CLDN16: variants seen among roughly 807,000 people sequenced by gnomAD.
CLDN16 encodes claudin-16.
In CLDN16, 13 loss-of-function variants were observed where a neutral mutation model predicts 24.6. The observed-to-expected ratio is 0.53, with a 90% CI of 0.34 to 0.84. The LOEUF (loss-of-function observed/expected upper bound fraction) is 0.84, where lower values mean the gene tolerates loss of function less well. CLDN16 is among the 40% of genes least tolerant of loss of function. The probability of loss-of-function intolerance (pLI) is 0.01; values close to 1 mark genes in which losing one functional copy is unlikely to be tolerated. For missense variants in CLDN16, 298 were observed against 292.7 expected (o/e 1.02, Z -0.13); for synonymous variants, 116 against 106.7 (o/e 1.09, Z -0.54).
intron 1 of CLDN16, among the ~76,000 whole-genome samples, chr3:190,354,613 A>T (rs1717730489): frequency 6.6e-6 from 1 of 152,076 alleles, no homozygotes; most frequent in Admixed American, 6.6e-5. Flanking sequence ...ACTTTTTAAA[A>T]GTGGTGCAAA....
the CLDN16 span, among the ~76,000 whole-genome samples, chr3:190,302,832 T>C: frequency 0.57 from 85,277 of 148,820 alleles, 25,130 homozygotes; most frequent in African/African-American, 0.7. Flanking sequence ...TTAGAAAGTA[T>C]GTCTGGTAAG....
chr3:190,383,461 T>C (rs1006404861), upstream of CLDN16, among the ~76,000 whole-genome samples: 8 of 152,150 alleles, frequency 5.3e-5, no homozygotes, highest in African/African-American at 1.9e-4. Context: ...GCCTACATGA[T>C]GGAAGATGAC....
chr3:190,291,847 C>A, the CLDN16 span, among the ~76,000 whole-genome samples: 115 of 152,278 alleles, frequency 7.6e-4, no homozygotes, highest in African/African-American at 2.5e-3. Context: ...AGTCCAAAAT[C>A]CAATAGGGCA....
At chr3:190,311,934 A>G in the CLDN16 span, among the ~76,000 whole-genome samples, 1 of 148,026 alleles carries the variant, frequency 6.8e-6, no homozygotes, top group Non-Finnish European at 1.5e-5. Flanking sequence ...GAATTAAAAA[A>G]CAGATATTTC....
chr3:190,308,321 G>C, the CLDN16 span: 1 of 1,613,674 alleles, frequency 6.2e-7, no homozygotes, highest in African/African-American at 1.3e-5. Context: ...TTTGGATAGG[G>C]CCTTGGTGTT....
intron 1 of CLDN16, among the ~76,000 whole-genome samples, chr3:190,344,455 T>A (rs1231397535): frequency 6.6e-6 from 1 of 151,840 alleles, no homozygotes; most frequent in Non-Finnish European, 1.5e-5. Context: ...AATTTTCATA[T>A]AAGTATTATA....
At chr3:190,360,702 C>T (rs950192075) in intron 1 of CLDN16, among the ~76,000 whole-genome samples, 2 of 151,632 alleles carry the variant, frequency 1.3e-5, no homozygotes, top group Admixed American at 6.6e-5. Context: ...CTGCTTTTCT[C>T]GGATTAACTT....
chr3:190,310,949 T>C, the CLDN16 span, among the ~76,000 whole-genome samples: 1 of 152,218 alleles, frequency 6.6e-6, no homozygotes, highest in African/African-American at 2.4e-5. Flanking sequence ...ATAAGATGTA[T>C]AAAATACTTC....
intron 3 of CLDN16, among the ~76,000 whole-genome samples, chr3:190,406,834 T>C (rs1367241480): frequency 6.8e-6 from 1 of 147,614 alleles, no homozygotes; most frequent in Non-Finnish European, 1.5e-5. Context: ...CTCCACCTCC[T>C]GGGTTCACGC....
rs1719294375 is a variant in CLDN16 at position 190,411,863 on chromosome 3, A to G, written c.*1827A>G. On this transcript the variant is annotated 3_prime_UTR_variant, in exon 5 of 5. Transcript: ENST00000264734. Reference sequence around the variant, plus strand: ...TCATTGTTCTATGCATTTTAAAATTAATTTTGTGTTGTTCCTCTCAATATT... The same window carrying G: ...TCATTGTTCTATGCATTTTAAAATTGATTTTGTGTTGTTCCTCTCAATATT... 1 of 152,106 alleles carries G rather than the reference A, an allele frequency of 6.6e-6. No homozygotes were observed. The highest frequency in any genetic ancestry group is 2.4e-5 in the African/African-American group (1 of 41,454). The allele number at this position is 152,106 out of a possible 1,614,324, so 9.4% of individuals were successfully genotyped here. A position where few individuals can be genotyped will look rare whatever the true frequency, so the allele number is the denominator to read the frequency against.
At chr3:190,312,606 T>C in the CLDN16 span, among the ~76,000 whole-genome samples, 1 of 152,324 alleles carries the variant, frequency 6.6e-6, no homozygotes, top group African/African-American at 2.4e-5. Flanking sequence ...TGCTAAATAG[T>C]GAACAACTTT....
At chr3:190,316,022 T>G in the CLDN16 span, among the ~76,000 whole-genome samples, 1 of 152,218 alleles carries the variant, frequency 6.6e-6, no homozygotes, top group Non-Finnish European at 1.5e-5. Context: ...TTGATTCGTG[T>G]CAAATCTATC....
At chr3:190,307,586 T>A in the CLDN16 span, 3 of 152,174 alleles carry the variant, frequency 2.0e-5, no homozygotes, top group Admixed American at 6.6e-5. Context: ...GAAACTAAAA[T>A]GTAGGCTATG....
chr3:190,345,364 C>G (rs1717528142), intron 1 of CLDN16, among the ~76,000 whole-genome samples: 1 of 152,160 alleles, frequency 6.6e-6, no homozygotes, highest in African/African-American at 2.4e-5. Context: ...AATTTGACTT[C>G]TCCTCCCTTA....
At chr3:190,344,311 C>T (rs1371717696) in intron 1 of CLDN16, among the ~76,000 whole-genome samples, 4 of 151,864 alleles carry the variant, frequency 2.6e-5, no homozygotes, top group Non-Finnish European at 2.9e-5. Flanking sequence ...TTTATGCATG[C>T]ACCTCCAAGA....
rs558763455 is a variant in CLDN16, at chr3:190,354,066, T to A, written n.122-16827T>A. ...CAGCATTCCTTGGCTTTTGACTACA[T>A]CACTCCAATCTCTGTCGGTTATAGT... On this transcript the variant is annotated intron_variant and non_coding_transcript_variant, in intron 1 of 4. Coordinates refer to the CLDN16 transcript ENST00000468220. Among the ~76,000 whole-genome samples the A allele has an allele frequency of 2.6e-4, 40 of 152,170 alleles. No individual in the cohort carries two copies. In the South Asian group the frequency reaches 6.2e-3, roughly 24 times the overall value.
chr3:190,374,674 A>G (rs1560090337), intron 3 of CLDN16: 1 of 151,954 alleles, frequency 6.6e-6, no homozygotes, highest in Non-Finnish European at 1.5e-5. Context: ...CAGGCATATC[A>G]TTTATCAATC....
At chr3:190,343,679 T>A (rs754005077) in intron 1 of CLDN16, among the ~76,000 whole-genome samples, 2 of 152,252 alleles carry the variant, frequency 1.3e-5, no homozygotes, top group Non-Finnish European at 2.9e-5. Context: ...AAGGGCATTA[T>A]GCTACGTGAA....
intron 1 of CLDN16, among the ~76,000 whole-genome samples, chr3:190,342,983 T>C (rs1233077908): frequency 6.6e-6 from 1 of 152,118 alleles, no homozygotes; most frequent in African/African-American, 2.4e-5. Flanking sequence ...ATCAAAAAGC[T>C]TTTGCATAGC....
Sources: allele counts gnomAD v4.1 joint callset (sites outside exome capture counted in the v4.1 genomes callset), GRCh38; gene constraint gnomAD v4.1.1; transcripts MANE v1.5; gene names NCBI Gene and HGNC (gene_info 2026-07-23, HGNC 2026-07-21).